The following PLXDC2 variants were observed in gnomAD, a reference collection of about 807,000 sequenced individuals.
PLXDC2 encodes the protein plexin domain-containing protein 2.
Under a neutral mutation model 68.9 loss-of-function variants are expected in PLXDC2, and 40 were observed. The observed-to-expected ratio is 0.58, with a 90% CI of 0.45 to 0.76. The LOEUF (loss-of-function observed/expected upper bound fraction) is 0.76. Ranked by LOEUF, PLXDC2 falls within the 30% of genes least tolerant of loss-of-function variation. PLXDC2 has a pLI of 0.00. For missense variants in PLXDC2, 644 were observed against 661.9 expected (o/e 0.97, Z 0.30); for synonymous variants, 243 against 234.2 (o/e 1.04, Z -0.34).
At position 20,012,302 on chromosome 10, in the gene PLXDC2, TC is replaced by T. The variant is rs1167108342; in HGVS notation, c.324+10317del. Reference sequence around the variant, plus strand: ...GGATAAGAGTCTCTCTCTCTCTCTCTCTTTTTTATTTTTTTTTTTTTTTTTT... The same window carrying T: ...GGATAAGAGTCTCTCTCTCTCTCTCTTTTTTTATTTTTTTTTTTTTTTTTT... On this transcript the variant is annotated intron_variant, in intron 2 of 13. Transcript: ENST00000377252. Among the ~76,000 whole-genome samples the T allele has an allele frequency of 1.2e-3, 95 of 80,366 alleles. 1 individual carries two copies. Among genetic ancestry groups the T allele is most frequent in the African/African-American group, 3.0e-3 (54 of 18,076 alleles). The allele number at this position is 80,366 out of a possible 152,430, so 52.7% of individuals were successfully genotyped here. A position where few individuals can be genotyped will look rare whatever the true frequency, so the allele number is the denominator to read the frequency against.
intron 1 of PLXDC2, among the ~76,000 whole-genome samples, chr10:19,994,253 CTTTT>C (rs528321973): frequency 0.012 from 1,042 of 87,458 alleles, 18 homozygotes; most frequent in African/African-American, 0.042. Context: ...TTGTATTCTC[CTTTT>C]TTTTTTTTTT....
intron 6 of PLXDC2, among the ~76,000 whole-genome samples, chr10:20,160,178 C>G (rs1402093046): frequency 1.3e-5 from 2 of 151,980 alleles, no homozygotes; most frequent in Non-Finnish European, 2.9e-5. Context: ...GTGTGTATGC[C>G]TTTTGGGGAA....
At chr10:20,193,340 T>A (rs1834794152) in intron 9 of PLXDC2, among the ~76,000 whole-genome samples, 1 of 151,990 alleles carries the variant, frequency 6.6e-6, no homozygotes, top group Non-Finnish European at 1.5e-5. Flanking sequence ...ATCACAACAA[T>A]CTAGTTTGAA....
intron 9 of PLXDC2, among the ~76,000 whole-genome samples, chr10:20,203,935 C>G (rs1834956108): frequency 6.6e-6 from 1 of 152,108 alleles, no homozygotes; most frequent in African/African-American, 2.4e-5. Context: ...GATCTTTTAT[C>G]AGAAGAAAAC....
At chr10:19,956,324 C>T (rs1834069005) in intron 1 of PLXDC2, among the ~76,000 whole-genome samples, 2 of 152,184 alleles carry the variant, frequency 1.3e-5, no homozygotes, top group South Asian at 4.2e-4. Context: ...TGTAACATAT[C>T]TCAGTAATCA....
At chr10:20,166,846 G>T (rs1834382767) in intron 7 of PLXDC2, among the ~76,000 whole-genome samples, 1 of 152,064 alleles carries the variant, frequency 6.6e-6, no homozygotes. Flanking sequence ...CCTTTGTTAT[G>T]CTGTAAAAGG....
At chr10:20,155,987 A>G (rs1434495280) in intron 6 of PLXDC2, among the ~76,000 whole-genome samples, 2 of 151,992 alleles carry the variant, frequency 1.3e-5, no homozygotes, top group Non-Finnish European at 2.9e-5. Context: ...TCAAATGACT[A>G]TCCTGCCTCA....
chr10:19,991,017 C>T (rs1214227651), intron 1 of PLXDC2, among the ~76,000 whole-genome samples: 4 of 152,000 alleles, frequency 2.6e-5, no homozygotes, highest in Non-Finnish European at 4.4e-5. Context: ...GAGGCCGAGG[C>T]GGGTGGATCA....
At chr10:20,246,496 A>G (rs1357134477) in intron 13 of PLXDC2, among the ~76,000 whole-genome samples, 1 of 152,160 alleles carries the variant, frequency 6.6e-6, no homozygotes, top group East Asian at 1.9e-4. Flanking sequence ...ACTAGAGGCA[A>G]ACACTACCAC....
Position 20,016,935 on chromosome 10 carries a change from T to G in PLXDC2, c.324+14949T>G, listed in dbSNP as rs530005121. Among the ~76,000 whole-genome samples, 10 of 152,340 alleles carry G rather than the reference T, an allele frequency of 6.6e-5. No homozygotes were observed. In the South Asian group the frequency reaches 2.1e-3, roughly 32 times the overall value. ...GGGGCTTACAGGGAAAGCATCTTCCTGGCTTTAGCATGCTGCAGCTTCTGT... is the reference window on the plus strand; with the variant it reads ...GGGGCTTACAGGGAAAGCATCTTCCGGGCTTTAGCATGCTGCAGCTTCTGT... On this transcript the variant is annotated intron_variant, in intron 2 of 13. Transcript: ENST00000377252.
At chr10:20,053,215 A>G (rs980014122) in intron 3 of PLXDC2, among the ~76,000 whole-genome samples, 10 of 152,124 alleles carry the variant, frequency 6.6e-5, no homozygotes, top group African/African-American at 2.4e-4. Flanking sequence ...ACATCTGTGT[A>G]TACTGGAATT....
intron 2 of PLXDC2, among the ~76,000 whole-genome samples, chr10:20,026,116 C>T (rs916577395): frequency 1.3e-5 from 2 of 151,948 alleles, no homozygotes; most frequent in Non-Finnish European, 2.9e-5. Flanking sequence ...GACTTTTCAT[C>T]TGAGATGCAT....
chr10:20,137,302 C>T (rs1833946976), intron 4 of PLXDC2, among the ~76,000 whole-genome samples: 1 of 152,132 alleles, frequency 6.6e-6, no homozygotes, highest in African/African-American at 2.4e-5. Flanking sequence ...ATCACAACAA[C>T]CCAATGATAT....
intron 4 of PLXDC2, among the ~76,000 whole-genome samples, chr10:20,108,850 T>C (rs74929627): frequency 0.021 from 3,142 of 152,284 alleles, 48 homozygotes; most frequent in Non-Finnish European, 0.03. Flanking sequence ...CAAAGTAAGA[T>C]TGTAGGTGAA....
Position 20,065,066 on chromosome 10 carries a change from C to G in PLXDC2, c.472-3104C>G, listed in dbSNP as rs182857869. On this transcript the variant is annotated intron_variant, in intron 3 of 13. Coordinates refer to ENST00000377252, the MANE Select transcript of PLXDC2 (RefSeq NM_032812.9). Reference sequence around the variant, plus strand: ...GCAAGTGCCATCTGGGATCACCTTCCAAATAAACTGTCTGCCCCTAAGTCC... The same window carrying G: ...GCAAGTGCCATCTGGGATCACCTTCGAAATAAACTGTCTGCCCCTAAGTCC... Among the ~76,000 whole-genome samples, 215 of 152,192 alleles carry G rather than the reference C, an allele frequency of 1.4e-3. 1 individual carries two copies. The highest frequency in any genetic ancestry group is 4.0e-4 in the Non-Finnish European group (27 of 68,012).
At chr10:19,839,173 C>T (rs1446740778) in intron 1 of PLXDC2, among the ~76,000 whole-genome samples, 5 of 141,498 alleles carry the variant, frequency 3.5e-5, no homozygotes, top group African/African-American at 1.3e-4. Context: ...GAGACAAGAG[C>T]GAAACTCAGT....
chr10:19,932,382 A>C (rs571369848), intron 1 of PLXDC2, among the ~76,000 whole-genome samples: 31 of 152,040 alleles, frequency 2.0e-4, no homozygotes, highest in African/African-American at 7.2e-4. Flanking sequence ...CTTTCTATAT[A>C]CCAGGACCAT....
chr10:20,160,643 G>A (rs1213693027), intron 6 of PLXDC2, among the ~76,000 whole-genome samples: 2 of 152,034 alleles, frequency 1.3e-5, no homozygotes, highest in Non-Finnish European at 2.9e-5. Context: ...TTGGTTTCGG[G>A]TAAATTTTTC....
intron 9 of PLXDC2, among the ~76,000 whole-genome samples, chr10:20,202,021 A>G (rs368856221): frequency 1.2e-4 from 18 of 152,278 alleles, no homozygotes; most frequent in East Asian, 1.2e-3. Context: ...ATGCTATTTA[A>G]CATATACATA....
Sources: gnomAD v4.1 joint callset for allele counts (sites outside exome capture counted in the v4.1 genomes callset) on GRCh38, gnomAD v4.1.1 for gene constraint, MANE v1.5 for transcripts, NCBI Gene and HGNC (gene_info 2026-07-23, HGNC 2026-07-21) for gene names.